The following ATP5F1A variants were observed in gnomAD, a reference collection of about 807,000 sequenced individuals.
ATP5F1A encodes ATP synthase F(1) complex subunit alpha, mitochondrial.
ATP5F1A carries 24 observed loss-of-function variants against 57.4 expected under a neutral mutation model. The observed-to-expected ratio is 0.42, with a 90% CI of 0.30 to 0.59. The LOEUF (loss-of-function observed/expected upper bound fraction) is 0.59. Ranked by LOEUF, ATP5F1A falls within the 20% of genes least tolerant of loss-of-function variation. The probability of loss-of-function intolerance (pLI) is 0.19; values close to 1 mark genes in which losing one functional copy is unlikely to be tolerated. For synonymous variants in ATP5F1A, 251 were observed against 255.5 expected (o/e 0.98, Z 0.17); for missense variants, 494 against 707.9 (o/e 0.70, Z 3.43).
intron 10 of ATP5F1A, chr18:46,085,673 T>C (rs571016562): frequency 1.2e-5 from 2 of 168,606 alleles, no homozygotes; most frequent in South Asian, 2.7e-4. Context: ...GGCTCACACC[T>C]GTAATCCCAG....
chr18:46,096,468 C>G (rs974845481), intron 1 of ATP5F1A, among the ~76,000 whole-genome samples: 10 of 130,952 alleles, frequency 7.6e-5, no homozygotes, highest in African/African-American at 2.7e-4. Flanking sequence ...CCACTGCACT[C>G]CAGCCTGGGC....
At chr18:46,094,199 ACT>A (rs1316740636) in intron 2 of ATP5F1A, among the ~76,000 whole-genome samples, 3 of 151,744 alleles carry the variant, frequency 2.0e-5, no homozygotes, top group East Asian at 1.9e-4. Flanking sequence ...ATACACACAC[ACT>A]CTCACACACA....
chr18:46,097,737 CAAT>C (rs1233181144), intron 1 of ATP5F1A: 1 of 833,108 alleles, frequency 1.2e-6, no homozygotes, highest in Non-Finnish European at 1.5e-6. Context: ...GACCTTCACA[CAAT>C]GTCAGACTCC....
At chr18:46,087,780 T>C in intron 6 of ATP5F1A, 1 of 438,816 alleles carries the variant, frequency 2.3e-6, no homozygotes, top group Non-Finnish European at 4.1e-6. Context: ...CTCGGGAGGC[T>C]GAGACAGGAG....
intron 1 of ATP5F1A, among the ~76,000 whole-genome samples, chr18:46,096,978 A>AACTT (rs1461011865): frequency 1.9e-5 from 2 of 105,200 alleles, no homozygotes; most frequent in African/African-American, 7.2e-5. Context: ...GCGAGACACC[A>AACTT]TCTCAAAAAA....
At position 46,080,793 on chromosome 18, in the gene ATP5F1A, T is replaced by C. The variant is rs1209747730; in HGVS notation, c.*3489A>G. ...TCATATTCTTTAAAAATATCACATATTTTTAAATGTGATATTTAAAAATCA... is the reference window on the plus strand; with the variant it reads ...TCATATTCTTTAAAAATATCACATACTTTTAAATGTGATATTTAAAAATCA... On this transcript the variant is annotated 3_prime_UTR_variant, in exon 12 of 12. Transcript: ENST00000398752. The C allele has an allele frequency of 2.6e-5, 4 of 151,918 alleles. No homozygotes were observed. The highest frequency in any genetic ancestry group is 5.9e-5 in the Non-Finnish European group (4 of 67,994). The allele number at this position is 151,918 out of a possible 1,614,324, so 9.4% of individuals were successfully genotyped here.
intron 1 of ATP5F1A, among the ~76,000 whole-genome samples, chr18:46,096,682 A>G (rs1339573000): frequency 1.3e-5 from 2 of 150,802 alleles, no homozygotes; most frequent in African/African-American, 2.4e-5. Context: ...AACAACAACA[A>G]CAACAACGAC....
chr18:46,090,830 C>T (rs914626417), intron 3 of ATP5F1A, among the ~76,000 whole-genome samples: 1 of 152,122 alleles, frequency 6.6e-6, no homozygotes, highest in Admixed American at 6.5e-5. Flanking sequence ...CCATATTAAA[C>T]AGCACAGATG....
intron 1 of ATP5F1A, 104 bp downstream of exon 1, chr18:46,098,068 T>A: frequency 6.9e-7 from 1 of 1,445,328 alleles, no homozygotes; most frequent in South Asian, 1.4e-5. Flanking sequence ...GATGGCGGCA[T>A]TCGCCACAGC....
Position 46,083,530 on chromosome 18 carries a change from T to C in ATP5F1A, c.*752A>G, listed in dbSNP as rs964950921. The C allele has an allele frequency of 2.0e-5, 3 of 152,244 alleles. No individual in the cohort carries two copies. Among genetic ancestry groups the C allele is most frequent in the Non-Finnish European group, 4.4e-5 (3 of 68,058 alleles). 9.4% of individuals were successfully genotyped at this position (152,244 alleles called of 1,614,324 possible). ...TGTTCCAGCAATTTTTTCATTTCCC[T>C]GAGAATTTTAACTGTCCTATTATTT... On this transcript the variant is annotated 3_prime_UTR_variant, in exon 12 of 12. Coordinates refer to ENST00000398752, the MANE Select transcript of ATP5F1A (RefSeq NM_004046.6).
chr18:46,090,591 G>A (rs1423016768), intron 3 of ATP5F1A, among the ~76,000 whole-genome samples: 1 of 152,096 alleles, frequency 6.6e-6, no homozygotes, highest in African/African-American at 2.4e-5. Flanking sequence ...GAAGCAAAAA[G>A]GCTATTCCAG....
chr18:46,099,664 T>C (rs1213342580), upstream of ATP5F1A, among the ~76,000 whole-genome samples: 1 of 152,048 alleles, frequency 6.6e-6, no homozygotes, highest in African/African-American at 2.4e-5. Flanking sequence ...CTCTCTATGT[T>C]GCCCAGGCTG....
At chr18:46,091,890 G>C (rs1910582071) in intron 2 of ATP5F1A, 39 bp from the exon 3 acceptor site, 1 of 1,585,358 alleles carries the variant, frequency 6.3e-7, no homozygotes, top group East Asian at 2.3e-5. Context: ...AAAATAATCT[G>C]GGCCAGGCAC....
Position 46,084,255 on chromosome 18 carries a change from T to C in ATP5F1A, c.*27A>G. ...TACTAGAACAATGACAAAACTGAACTGGTATTTGATGTGAATCCACAGGAG... is the reference window on the plus strand; with the variant it reads ...TACTAGAACAATGACAAAACTGAACCGGTATTTGATGTGAATCCACAGGAG... On this transcript the variant is annotated 3_prime_UTR_variant, in exon 12 of 12. Coordinates refer to ENST00000398752, the MANE Select transcript of ATP5F1A (RefSeq NM_004046.6). 1 of 1,587,278 alleles carries C rather than the reference T, an allele frequency of 6.3e-7. No homozygotes were observed. Among genetic ancestry groups the C allele is most frequent in the Non-Finnish European group, 8.6e-7 (1 of 1,162,134 alleles).
chr18:46,087,916 C>T, intron 6 of ATP5F1A, 193 bp downstream of exon 6: 1 of 597,840 alleles, frequency 1.7e-6, no homozygotes. Flanking sequence ...AATCAAACAG[C>T]TTCCACTTTA....
At chr18:46,087,261 A>C (rs759262816) in intron 7 of ATP5F1A, 29 bp from the exon 8 acceptor site, 7 of 1,612,126 alleles carry the variant, frequency 4.3e-6, no homozygotes, top group Non-Finnish European at 5.9e-6. Context: ...TTGTGAAGTT[A>C]ACCTATTAAA....
rs1299508315 is a variant in ATP5F1A, at chr18:46,081,660, CAAAAAAAAAAAACAAAAAAAAAAAA to C, written c.*2597_*2621del. 2.7e-5 allele frequency: 2 copies of C among 73,974 alleles called. No individual in the cohort carries two copies. The allele number at this position is 73,974 out of a possible 1,614,324, so 4.6% of individuals were successfully genotyped here. On this transcript the variant is annotated 3_prime_UTR_variant, in exon 12 of 12. Transcript: ENST00000398752. ...GCCTGGGCAACAAGAGCAAAACTCT[CAAAAAAAAAAAACAAAAAAAAAAAA>C]AAAAAAAAAAAACGAAATGTGCAGA...
chr18:46,087,368 C>T lies in ATP5F1A; in HGVS notation c.924G>A (p.Leu308=). The T allele has an allele frequency of 3.1e-6, 5 of 1,614,074 alleles. No individual in the cohort carries two copies. The highest frequency in any genetic ancestry group is 4.2e-6 in the Non-Finnish European group (5 of 1,180,022). The change falls in exon 7 of 12, where the codon TTG becomes TTA. Residue 308 remains leucine, a synonymous_variant. Coordinates refer to ENST00000398752, the MANE Select transcript of ATP5F1A (RefSeq NM_004046.6). Reference sequence around the variant, plus strand: ...GTTTGGATAAGTCGTCATAGATGATCAAAGCATGTTTGCCATTGTCTCTAA... The same window carrying T: ...GTTTGGATAAGTCGTCATAGATGATTAAAGCATGTTTGCCATTGTCTCTAA... ...EYFRDNGKHA[L]IIYDDLSKQA... is the part of the protein sequence containing the mutation.
At chr18:46,102,856 G>T (rs927291973), upstream of ATP5F1A, among the ~76,000 whole-genome samples, 1 of 152,168 alleles carries the variant, frequency 6.6e-6, no homozygotes, top group Admixed American at 6.5e-5. Context: ...GCTGAAGCGG[G>T]AGGATTGCTT....
Sources: gnomAD v4.1 joint callset for allele counts (sites outside exome capture counted in the v4.1 genomes callset) on GRCh38, gnomAD v4.1.1 for gene constraint, MANE v1.5 for transcripts, NCBI Gene and HGNC (gene_info 2026-07-23, HGNC 2026-07-21) for gene names.